The following BACH2 variants were observed in gnomAD, a reference collection of about 807,000 sequenced individuals.
BACH2 encodes BACH transcriptional regulator 2, also known as transcription regulator protein BACH2.
BACH2 carries 5 observed loss-of-function variants against 61.8 expected under a neutral mutation model. The observed-to-expected ratio is 0.08, with a 90% CI of 0.04 to 0.17. The LOEUF (loss-of-function observed/expected upper bound fraction) is 0.17. BACH2 is among the 10% of genes least tolerant of loss of function. The pLI is 1.00. For synonymous variants in BACH2, 446 were observed against 440.1 expected (o/e 1.01, Z -0.17); for missense variants, 824 against 1,091.1 (o/e 0.76, Z 3.45).
At chr6:90,201,470 T>C (rs1454854428) in intron 4 of BACH2, among the ~76,000 whole-genome samples, 2 of 152,234 alleles carry the variant, frequency 1.3e-5, no homozygotes, top group Non-Finnish European at 2.9e-5. Context: ...ATCATATTTC[T>C]TTCTTTGTTG....
chr6:90,103,250 T>C (rs913096289), intron 4 of BACH2, among the ~76,000 whole-genome samples: 1 of 151,648 alleles, frequency 6.6e-6, no homozygotes, highest in Non-Finnish European at 1.5e-5. Context: ...AGAGTTTCTA[T>C]GCTGCATCTG....
At chr6:90,190,318 C>A (rs1467630888) in intron 4 of BACH2, among the ~76,000 whole-genome samples, 2 of 152,200 alleles carry the variant, frequency 1.3e-5, no homozygotes, top group African/African-American at 2.4e-5. Flanking sequence ...TTAAATGACT[C>A]TTTAAGCTAC....
In BACH2 at chr6:89,932,602, C is replaced by CG. The variant is rs755611605; in HGVS notation, c.2331dup (p.Gly778ArgfsTer23). 3.1e-6 allele frequency: 5 copies of CG among 1,613,636 alleles called. No individual in the cohort carries two copies. The highest frequency in any genetic ancestry group is 3.4e-6 in the Non-Finnish European group (4 of 1,179,948). ...GTGTTGCTGGGTGCCCAGGGGGGTC[C>CG]GGGGGGAGCCGCGCCTGGCTCCAAG... On this transcript the variant is annotated frameshift_variant, in exon 9 of 9. Coordinates refer to ENST00000257749, the MANE Select transcript of BACH2 (RefSeq NM_021813.4). LOFTEE classifies it high-confidence loss of function.
At chr6:90,169,475 G>T (rs777107960) in intron 4 of BACH2, among the ~76,000 whole-genome samples, 1 of 152,092 alleles carries the variant, frequency 6.6e-6, no homozygotes, top group Non-Finnish European at 1.5e-5. Flanking sequence ...CTGGTGTCAG[G>T]ACACTAACCC....
At chr6:89,940,074 G>A (rs564449190) in intron 7 of BACH2, among the ~76,000 whole-genome samples, 2 of 151,982 alleles carry the variant, frequency 1.3e-5, no homozygotes, top group Middle Eastern at 3.4e-3. Flanking sequence ...AGAGTGGCAC[G>A]ATTTTGACTC....
chr6:90,060,231 T>G (rs1780613617), intron 5 of BACH2, among the ~76,000 whole-genome samples: 1 of 152,102 alleles, frequency 6.6e-6, no homozygotes, highest in Non-Finnish European at 1.5e-5. Context: ...TCTTTAAACA[T>G]TGTCTCATCT....
At chr6:90,146,061 G>T (rs908882322) in intron 4 of BACH2, among the ~76,000 whole-genome samples, 21 of 152,212 alleles carry the variant, frequency 1.4e-4, no homozygotes, top group Non-Finnish European at 3.1e-4. Context: ...ATAGACTTAT[G>T]TGCATGTGCA....
chr6:90,003,486 A>G (rs926005223), intron 6 of BACH2, among the ~76,000 whole-genome samples: 2 of 152,206 alleles, frequency 1.3e-5, no homozygotes, highest in African/African-American at 4.8e-5. Context: ...CTAACAAAGT[A>G]TATTTAACAC....
intron 6 of BACH2, among the ~76,000 whole-genome samples, chr6:89,972,610 G>A (rs1053408129): frequency 2.6e-5 from 4 of 152,134 alleles, no homozygotes; most frequent in Non-Finnish European, 4.4e-5. Flanking sequence ...CATAAATTTT[G>A]GAGGAGGATA....
intron 4 of BACH2, among the ~76,000 whole-genome samples, chr6:90,155,337 T>C (rs1397920356): frequency 6.6e-6 from 1 of 152,206 alleles, no homozygotes; most frequent in African/African-American, 2.4e-5. Flanking sequence ...TGTTTAACTA[T>C]AAACACATGG....
chr6:90,085,171 G>A (rs1781881105), intron 5 of BACH2, among the ~76,000 whole-genome samples: 1 of 152,166 alleles, frequency 6.6e-6, no homozygotes, highest in Non-Finnish European at 1.5e-5. Context: ...CAGAGATTTG[G>A]TGATGGGGGA....
At chr6:90,218,889 T>C (rs923379811) in intron 3 of BACH2, among the ~76,000 whole-genome samples, 3 of 151,312 alleles carry the variant, frequency 2.0e-5, no homozygotes, top group African/African-American at 7.3e-5. Context: ...TTGGGGGACA[T>C]GGCCTGGGCT....
chr6:90,155,348 C>T (rs1394607264), intron 4 of BACH2, among the ~76,000 whole-genome samples: 1 of 152,158 alleles, frequency 6.6e-6, no homozygotes. Context: ...AAACACATGG[C>T]AGTAGGTGTC....
intron 5 of BACH2, among the ~76,000 whole-genome samples, chr6:90,011,125 A>T (rs973719530): frequency 1.1e-4 from 16 of 151,474 alleles, no homozygotes; most frequent in African/African-American, 3.7e-4. Flanking sequence ...CTAAAAAACT[A>T]AACCAAGGTC....
At chr6:90,164,845 C>T (rs1184340934) in intron 4 of BACH2, among the ~76,000 whole-genome samples, 1 of 152,142 alleles carries the variant, frequency 6.6e-6, no homozygotes, top group Non-Finnish European at 1.5e-5. Context: ...CAGAAAAGGC[C>T]TTTGACAAAA....
At chr6:90,174,118 C>T (rs1767912114) in intron 4 of BACH2, among the ~76,000 whole-genome samples, 1 of 151,870 alleles carries the variant, frequency 6.6e-6, no homozygotes. Context: ...ATAAAAGAAC[C>T]TCAAGGAGAA....
At chr6:90,029,266 T>C (rs945852340) in intron 5 of BACH2, among the ~76,000 whole-genome samples, 8 of 152,148 alleles carry the variant, frequency 5.3e-5, no homozygotes, top group Admixed American at 1.3e-4. Context: ...GCCCTGCCAT[T>C]CCAAGAACGA....
intron 1 of BACH2, among the ~76,000 whole-genome samples, chr6:90,290,679 G>C (rs1038154228): frequency 2.0e-5 from 3 of 152,178 alleles, no homozygotes; most frequent in African/African-American, 7.2e-5. Context: ...ATCACATTGG[G>C]ATCTCCCAAC....
intron 6 of BACH2, among the ~76,000 whole-genome samples, chr6:89,978,878 C>T (rs12195368): frequency 6.6e-6 from 1 of 152,082 alleles, no homozygotes. Context: ...TACTTAAATC[C>T]GAATGGCAGG....
Sources: allele counts gnomAD v4.1 joint callset (sites outside exome capture counted in the v4.1 genomes callset), GRCh38; gene constraint gnomAD v4.1.1; transcripts MANE v1.5; gene names NCBI Gene and HGNC (gene_info 2026-07-23, HGNC 2026-07-21).